Variants in RASGRF1 observed in about 807,000 individuals in gnomAD.
The protein encoded by RASGRF1 is Ras protein specific guanine nucleotide releasing factor 1, also known as ras-specific guanine nucleotide-releasing factor 1.
Under a neutral mutation model 138.7 loss-of-function variants are expected in RASGRF1, and 40 were observed. The ratio of observed to expected loss-of-function variants is 0.29; its 90% CI spans 0.22 to 0.38. The LOEUF (loss-of-function observed/expected upper bound fraction) is 0.38, where lower values mean the gene tolerates loss of function less well. Ranked by LOEUF, RASGRF1 falls within the 10% of genes least tolerant of loss-of-function variation. The pLI is 1.00. For synonymous variants in RASGRF1, 614 were observed against 663.2 expected (o/e 0.93, Z 1.14); for missense variants, 1,108 against 1,650.4 (o/e 0.67, Z 5.69).
chr15:78,984,143 G>A (rs1412339036), intron 23 of RASGRF1, among the ~76,000 whole-genome samples: 1 of 152,200 alleles, frequency 6.6e-6, no homozygotes, highest in Non-Finnish European at 1.5e-5. Flanking sequence ...CAAGTCCAGA[G>A]TGGTCCAGAT....
At chr15:79,041,123 C>T (rs896852250) in intron 5 of RASGRF1, among the ~76,000 whole-genome samples, 4 of 152,210 alleles carry the variant, frequency 2.6e-5, no homozygotes, top group African/African-American at 7.2e-5. Flanking sequence ...GCTGTTTTTG[C>T]GTGGCCTGAG....
At chr15:79,079,295 T>G (rs1399822655) in intron 1 of RASGRF1, among the ~76,000 whole-genome samples, 3 of 152,244 alleles carry the variant, frequency 2.0e-5, no homozygotes, top group Admixed American at 6.5e-5. Flanking sequence ...ACTTGCTGAA[T>G]GAAGGTACAA....
intron 3 of RASGRF1, among the ~76,000 whole-genome samples, chr15:79,057,878 G>T (rs557238443): frequency 8.5e-5 from 13 of 152,292 alleles, no homozygotes; most frequent in African/African-American, 3.1e-4. Flanking sequence ...GGAGGGAAGG[G>T]GCTGCCTTGG....
intron 18 of RASGRF1, 126 bp downstream of exon 18, chr15:78,998,593 C>T (rs2016123328): frequency 3.8e-6 from 3 of 783,044 alleles, no homozygotes; most frequent in Non-Finnish European, 6.5e-6. Context: ...TGAGCTCCCT[C>T]CCTTCTGCTG....
chr15:79,068,700 T>A (rs2057714594), intron 1 of RASGRF1, among the ~76,000 whole-genome samples: 1 of 151,774 alleles, frequency 6.6e-6, no homozygotes, highest in African/African-American at 2.4e-5. Flanking sequence ...TGTGGATGTG[T>A]TTTGGGTCTT....
At chr15:78,980,275 A>G (rs2055993136) in intron 24 of RASGRF1, 1 of 182,932 alleles carries the variant, frequency 5.5e-6, no homozygotes. Context: ...ACTGACGTTA[A>G]GACGTCTCCT....
At chr15:79,002,942 G>A (rs1465375667) in intron 15 of RASGRF1, among the ~76,000 whole-genome samples, 3 of 152,250 alleles carry the variant, frequency 2.0e-5, no homozygotes, top group African/African-American at 4.8e-5. Flanking sequence ...GGGTGCGTGC[G>A]TGTGTGCACG....
At chr15:79,014,823 A>T (rs938873009) in intron 13 of RASGRF1, among the ~76,000 whole-genome samples, 25 of 152,024 alleles carry the variant, frequency 1.6e-4, no homozygotes, top group African/African-American at 5.8e-4. Context: ...AGGCTGAGGC[A>T]GGAGAATTAT....
rs115060344 is a variant in RASGRF1 at position 79,055,561 on chromosome 15, G to C, written c.531+2773C>G. 3.2e-3 allele frequency among the ~76,000 whole-genome samples: 474 copies of C among 150,368 alleles called. 1 individual carries two copies. The highest frequency in any genetic ancestry group is 0.011 in the African/African-American group (432 of 40,632). ...AATTCCCATCAAATGGGTCTCTGCT[G>C]CCATTTTGAGACACACACACACACA... On this transcript the variant is annotated intron_variant, in intron 3 of 26. Transcript: ENST00000558480.
rs1269341847 is a variant in RASGRF1 at position 79,006,634 on chromosome 15, A to G, written c.1827-200T>C. 6.6e-6 allele frequency among the ~76,000 whole-genome samples: 1 copy of G among 151,960 alleles called. No homozygotes were observed. The highest frequency in any genetic ancestry group is 6.6e-5 in the Admixed American group (1 of 15,266). On this transcript the variant is annotated intron_variant, in intron 13 of 26. Coordinates refer to ENST00000558480, the MANE Select transcript of RASGRF1 (RefSeq NM_001145648.3). This position sits in a 1 kb window ranked among gnomAD's most constrained non-coding sequence, Gnocchi z 4.0. ...TATCCTAAAAACTCTCCATTATAAA[A>G]CCCCTAGAAATACTGGAGAAGTATT...
At chr15:78,986,331 T>C (rs2056156725) in intron 22 of RASGRF1, among the ~76,000 whole-genome samples, 1 of 151,850 alleles carries the variant, frequency 6.6e-6, no homozygotes, top group African/African-American at 2.4e-5. Context: ...TGGTACATTC[T>C]TTTGCAACTT....
In RASGRF1 at chr15:79,090,634, T is replaced by A; in HGVS notation, c.-136A>T. On this transcript the variant is annotated 5_prime_UTR_variant, in exon 1 of 27. Coordinates refer to ENST00000558480, the MANE Select transcript of RASGRF1 (RefSeq NM_001145648.3). ...TCTAGCTCTCCCCTCCCCCCAAATA[T>A]CTACACTCCAGGATCTGGCGCCGAG... The A allele has an allele frequency of 1.6e-6, 2 of 1,236,974 alleles. No individual in the cohort carries two copies. The highest frequency in any genetic ancestry group is 1.5e-5 in the African/African-American group (1 of 66,142). The allele number at this position is 1,236,974 out of a possible 1,614,324, so 76.6% of individuals were successfully genotyped here.
chr15:78,977,917 T>C (rs1025463681), intron 24 of RASGRF1, among the ~76,000 whole-genome samples: 86 of 152,344 alleles, frequency 5.6e-4, no homozygotes, highest in African/African-American at 1.5e-3. Context: ...TCTTGTTGCC[T>C]GGAGCTGGGG....
chr15:78,972,041 T>C, intron 25 of RASGRF1, 107 bp from the exon 26 acceptor site: 1 of 966,652 alleles, frequency 1.0e-6, no homozygotes, highest in Non-Finnish European at 1.7e-6. Context: ...GTCAGCCTCT[T>C]AATTCCATAC....
chr15:79,047,073 C>G (rs1455583381), intron 4 of RASGRF1, 74 bp from the exon 5 acceptor site: 44 of 1,555,486 alleles, frequency 2.8e-5, no homozygotes, highest in Admixed American at 1.2e-4. Context: ...AGGCTGTGAG[C>G]TCCCCAAGGG....
chr15:79,063,248 T>C (rs1235705747), intron 2 of RASGRF1, among the ~76,000 whole-genome samples: 3 of 152,202 alleles, frequency 2.0e-5, no homozygotes, highest in Non-Finnish European at 4.4e-5. Flanking sequence ...TGGGCCTGAC[T>C]ATTGGTTCAT....
intron 14 of RASGRF1, among the ~76,000 whole-genome samples, chr15:79,004,410 G>A (rs1265062861): frequency 1.3e-5 from 2 of 151,916 alleles, no homozygotes; most frequent in African/African-American, 2.4e-5. Context: ...TCTATGCTCC[G>A]CCCCCCCACC....
intron 13 of RASGRF1, among the ~76,000 whole-genome samples, chr15:79,010,129 C>T (rs1478467614): frequency 1.3e-5 from 2 of 151,408 alleles, no homozygotes; most frequent in East Asian, 1.9e-4. Flanking sequence ...ACCTCCACCT[C>T]GGGCTCAAGC....
Position 79,027,718 on chromosome 15 carries a change from G to A in RASGRF1, c.1381+23C>T. ...TGGGGCCCACCTGGTGGGGGCAGGG[G>A]AGACAGGGTGCAGAGGCCATACCTT... On this transcript the variant is annotated intron_variant, in intron 9 of 26. Transcript: ENST00000558480. The surrounding 1 kb of genome is among the most constrained non-coding windows in gnomAD (Gnocchi z 4.8). The A allele has an allele frequency of 1.9e-6, 3 of 1,610,174 alleles. No homozygotes were observed. Among genetic ancestry groups the A allele is most frequent in the Non-Finnish European group, 2.5e-6 (3 of 1,176,518 alleles).
Sources: gnomAD v4.1 joint callset for allele counts (sites outside exome capture counted in the v4.1 genomes callset) on GRCh38, gnomAD v4.1.1 for gene constraint, Gnocchi (gnomAD v3.1) non-coding constraint, MANE v1.5 for transcripts, NCBI Gene and HGNC (gene_info 2026-07-23, HGNC 2026-07-21) for gene names.